The following CPHXL variants were observed in gnomAD, a reference collection of about 807,000 sequenced individuals.
The protein encoded by CPHXL is cytoplasmic polyadenylated homeobox like.
chr16:75,724,820 G>A (rs887899024), intron 1 of CPHXL, among the ~76,000 whole-genome samples: 4 of 152,178 alleles, frequency 2.6e-5, no homozygotes, highest in African/African-American at 9.7e-5. Context: ...AAAGACACAT[G>A]CACACGTATG....
rs1186148240 is a variant in CPHXL, at chr16:75,718,558, C to G, written c.26-100G>C. On this transcript the variant is annotated intron_variant, in intron 1 of 2. Transcript: ENST00000640559. ...AGTGTTAGCACCATAGATTCCCTCCCCTTCCCAAGATGAAATCCACGTGTG... is the reference window on the plus strand; with the variant it reads ...AGTGTTAGCACCATAGATTCCCTCCGCTTCCCAAGATGAAATCCACGTGTG... 4 of 396,088 alleles carry G rather than the reference C, an allele frequency of 1.0e-5. No homozygotes were observed. In the Admixed American group the frequency reaches 1.3e-4, roughly 13 times the overall value. The allele number at this position is 396,088 out of a possible 1,614,324, so 24.5% of individuals were successfully genotyped here.
At chr16:75,720,676 TC>T (rs1959464336) in intron 1 of CPHXL, among the ~76,000 whole-genome samples, 1 of 152,006 alleles carries the variant, frequency 6.6e-6, no homozygotes, top group Admixed American at 6.6e-5. Context: ...TGGAAAACAC[TC>T]TGCAGGATAT....
chr16:75,719,271 C>T (rs1334429444), intron 1 of CPHXL, among the ~76,000 whole-genome samples: 1 of 152,142 alleles, frequency 6.6e-6, no homozygotes, highest in Non-Finnish European at 1.5e-5. Context: ...AGAGTGGGTG[C>T]AGGGCACCGA....
chr16:75,723,393 T>G (rs1487016190), intron 1 of CPHXL, among the ~76,000 whole-genome samples: 1 of 152,192 alleles, frequency 6.6e-6, no homozygotes, highest in Non-Finnish European at 1.5e-5. Context: ...GATAAGCAAC[T>G]TCAGCAAAGT....
rs1223202533 is a variant in CPHXL, at chr16:75,723,314, C to T, written c.25+3104G>A. ...TAGGAAAAGAGGAAGTCAAATTGTC[C>T]CTGTTTGCAGATGACATGATTGTAT... On this transcript the variant is annotated intron_variant, in intron 1 of 2. Transcript: ENST00000640559. 2.6e-5 allele frequency among the ~76,000 whole-genome samples: 4 copies of T among 152,198 alleles called. No individual in the cohort carries two copies. The South Asian group carries it at 6.2e-4, about 24-fold the overall frequency.
chr16:75,719,672 C>T (rs1040247197), intron 1 of CPHXL, among the ~76,000 whole-genome samples: 32 of 152,248 alleles, frequency 2.1e-4, no homozygotes, highest in Admixed American at 1.6e-3. Context: ...ACTCCACCTC[C>T]GGGGGCAGGG....
chr16:75,722,674 C>T (rs1297130634), intron 1 of CPHXL, among the ~76,000 whole-genome samples: 1 of 152,140 alleles, frequency 6.6e-6, no homozygotes, highest in African/African-American at 2.4e-5. Flanking sequence ...ACCAGAGGTG[C>T]AAGGAAGAGC....
chr16:75,726,129 T>A (rs1227512720), intron 1 of CPHXL, among the ~76,000 whole-genome samples: 1 of 152,108 alleles, frequency 6.6e-6, no homozygotes, highest in Admixed American at 6.5e-5. Flanking sequence ...TAATACATCT[T>A]AATAAAATTC....
chr16:75,715,749 T>G (rs1347657010), intron 2 of CPHXL, among the ~76,000 whole-genome samples: 2 of 151,840 alleles, frequency 1.3e-5, no homozygotes, highest in African/African-American at 4.8e-5. Context: ...CTGGCTGGAG[T>G]GCAATGGTGT....
chr16:75,722,312 C>T (rs1298654908), intron 1 of CPHXL, among the ~76,000 whole-genome samples: 2 of 152,042 alleles, frequency 1.3e-5, no homozygotes, highest in Non-Finnish European at 2.9e-5. Flanking sequence ...TCAATGAATC[C>T]AGGACCTGGC....
At chr16:75,720,215 C>T (rs984970392) in intron 1 of CPHXL, among the ~76,000 whole-genome samples, 5 of 152,176 alleles carry the variant, frequency 3.3e-5, no homozygotes, top group Admixed American at 6.5e-5. Flanking sequence ...TCCAAAGGAA[C>T]GCAGCTCCTC....
At chr16:75,716,053 C>T (rs1026319374) in intron 2 of CPHXL, among the ~76,000 whole-genome samples, 5 of 151,790 alleles carry the variant, frequency 3.3e-5, no homozygotes, top group African/African-American at 4.8e-5. Context: ...TCACGGGTTA[C>T]AACTAAAGAG....
rs1160724751 is a variant in CPHXL at position 75,714,318 on chromosome 16, A to G, written c.1124T>C (p.Leu375Pro). 1.3e-5 allele frequency: 5 copies of G among 398,408 alleles called. No homozygotes were observed. The highest frequency in any genetic ancestry group is 1.0e-4 in the African/African-American group (5 of 48,578). The allele number at this position is 398,408 out of a possible 1,614,324, so 24.7% of individuals were successfully genotyped here. A position where few individuals can be genotyped will look rare whatever the true frequency, so the allele number is the denominator to read the frequency against. ...AAGGGGTGAGTCGGCAGCTATTTGG[A>G]GAGACATGTGCTGCAGTTGAGAGCA... ...PLCSQLQHMS[L>P]QIAADSPLLP... The change falls in exon 3 of 3, where the codon CTC (leucine) becomes CCC (proline). Residue 375 changes from leucine (L) to proline (P), a missense_variant. Transcript: ENST00000640559.
chr16:75,715,988 A>T (rs554739833), intron 2 of CPHXL, among the ~76,000 whole-genome samples: 5 of 152,236 alleles, frequency 3.3e-5, no homozygotes, highest in African/African-American at 1.2e-4. Flanking sequence ...ATGAGCCACC[A>T]CATCTGGCCC....
chr16:75,720,596 G>C (rs1276503537), intron 1 of CPHXL, among the ~76,000 whole-genome samples: 2 of 152,174 alleles, frequency 1.3e-5, no homozygotes, highest in Admixed American at 1.3e-4. Flanking sequence ...AGAAATATGG[G>C]ACTATGTGAA....
chr16:75,722,082 A>G (rs1959486229), intron 1 of CPHXL, among the ~76,000 whole-genome samples: 1 of 152,220 alleles, frequency 6.6e-6, no homozygotes, highest in Non-Finnish European at 1.5e-5. Context: ...ACATACCAGA[A>G]TCTCTGGGAC....
chr16:75,717,831 A>C (rs113836326), intron 2 of CPHXL, among the ~76,000 whole-genome samples: 320 of 152,296 alleles, frequency 2.1e-3, no homozygotes, highest in African/African-American at 7.3e-3. Context: ...CTGTATATAC[A>C]TATGTATTTT....
intron 1 of CPHXL, among the ~76,000 whole-genome samples, chr16:75,725,646 GTTTCA>G (rs1379456750): frequency 1.3e-5 from 2 of 151,336 alleles, no homozygotes; most frequent in Non-Finnish European, 2.9e-5. Flanking sequence ...TAGAGACGGG[GTTTCA>G]CCGTGTTAGC....
intron 1 of CPHXL, among the ~76,000 whole-genome samples, chr16:75,720,397 G>C (rs549790196): frequency 1.1e-4 from 16 of 152,148 alleles, no homozygotes; most frequent in African/African-American, 3.9e-4. Context: ...CCAAAGCAGG[G>C]AAGTCGTTAA....
Sources: allele counts gnomAD v4.1 joint callset (sites outside exome capture counted in the v4.1 genomes callset), GRCh38; gene constraint gnomAD v4.1.1; transcripts MANE v1.5; gene names NCBI Gene and HGNC (gene_info 2026-07-23, HGNC 2026-07-21).